Variants in STXBP6 observed in about 807,000 individuals in gnomAD.
The protein encoded by STXBP6 is syntaxin-binding protein 6.
In STXBP6, 21 loss-of-function variants were observed where a neutral mutation model predicts 26.9. That is an observed-to-expected ratio of 0.78 (90% confidence interval 0.55 to 1.12). The LOEUF (loss-of-function observed/expected upper bound fraction) is 1.12. Ranked by LOEUF, STXBP6 falls within the 50% of genes most tolerant of loss-of-function variation. The pLI, the probability that STXBP6 is intolerant of heterozygous loss-of-function variation, is 0.00. For synonymous variants in STXBP6, 97 were observed against 92.6 expected (o/e 1.05, Z -0.27); for missense variants, 232 against 257.9 (o/e 0.90, Z 0.69).
intron 2 of STXBP6, among the ~76,000 whole-genome samples, chr14:24,944,948 G>A (rs1179522023): frequency 6.6e-6 from 1 of 151,978 alleles, no homozygotes; most frequent in Admixed American, 6.6e-5. Flanking sequence ...TACTCGCTAG[G>A]CTTGTACTTC....
At chr14:24,848,660 C>A (rs1421553927) in intron 4 of STXBP6, among the ~76,000 whole-genome samples, 3 of 152,100 alleles carry the variant, frequency 2.0e-5, no homozygotes, top group Non-Finnish European at 4.4e-5. Flanking sequence ...GCATGCATTT[C>A]AGCGTAGCTT....
At position 24,811,927 on chromosome 14, in the gene STXBP6, C is replaced by T. The variant is rs1056766692; in HGVS notation, c.*782G>A. ...ATCACTATGACAGTGACAAGAGAAACATCTGTGAGTACACAGAGGGTTTTA... is the reference window on the plus strand; with the variant it reads ...ATCACTATGACAGTGACAAGAGAAATATCTGTGAGTACACAGAGGGTTTTA... On this transcript the variant is annotated 3_prime_UTR_variant, in exon 6 of 6. Transcript: ENST00000323944. 9.9e-5 allele frequency: 15 copies of T among 152,094 alleles called. No homozygotes were observed. Among genetic ancestry groups the T allele is most frequent in the Non-Finnish European group, 1.9e-4 (13 of 68,014 alleles). 9.4% of individuals were successfully genotyped at this position (152,094 alleles called of 1,614,324 possible). A position where few individuals can be genotyped will look rare whatever the true frequency, so the allele number is the denominator to read the frequency against.
chr14:24,941,419 T>A (rs2072799523), intron 2 of STXBP6, among the ~76,000 whole-genome samples: 1 of 151,906 alleles, frequency 6.6e-6, no homozygotes, highest in Non-Finnish European at 1.5e-5. Context: ...TTCAGCTGGG[T>A]GAGGAAATAG....
At chr14:24,938,961 C>T (rs1360499723) in intron 2 of STXBP6, among the ~76,000 whole-genome samples, 1 of 152,022 alleles carries the variant, frequency 6.6e-6, no homozygotes, top group East Asian at 1.9e-4. Flanking sequence ...CAACTCCAGG[C>T]AGCCAGAAAA....
At chr14:24,828,803 G>A (rs1461976751) in intron 4 of STXBP6, among the ~76,000 whole-genome samples, 2 of 152,140 alleles carry the variant, frequency 1.3e-5, no homozygotes, top group African/African-American at 2.4e-5. Context: ...TATTAATAAG[G>A]TGCCTGTATG....
chr14:25,005,569 T>C (rs905713047), intron 1 of STXBP6, among the ~76,000 whole-genome samples: 9 of 152,230 alleles, frequency 5.9e-5, no homozygotes, highest in African/African-American at 1.9e-4. Context: ...TCTCTTTATT[T>C]GCTGAGAAAG....
intron 2 of STXBP6, among the ~76,000 whole-genome samples, chr14:24,959,756 T>C (rs2073467233): frequency 6.6e-6 from 1 of 152,194 alleles, no homozygotes; most frequent in South Asian, 2.1e-4. Context: ...CCAAATGGAA[T>C]TGCTCATAAG....
intron 4 of STXBP6, among the ~76,000 whole-genome samples, chr14:24,831,650 G>A (rs892870224): frequency 1.3e-5 from 2 of 152,084 alleles, no homozygotes; most frequent in African/African-American, 4.8e-5. Flanking sequence ...AAGAAAAAGT[G>A]AATTTATTGT....
At chr14:24,926,055 ATT>A (rs904377897) in intron 2 of STXBP6, among the ~76,000 whole-genome samples, 1 of 152,196 alleles carries the variant, frequency 6.6e-6, no homozygotes, top group African/African-American at 2.4e-5. Context: ...TGCAGTGAGG[ATT>A]CTGACATGTT....
chr14:24,889,941 C>A (rs1002390261), intron 2 of STXBP6, among the ~76,000 whole-genome samples: 3 of 152,214 alleles, frequency 2.0e-5, no homozygotes, highest in Non-Finnish European at 4.4e-5. Flanking sequence ...AACTAAGCCA[C>A]AAAGGGAGCT....
intron 2 of STXBP6, among the ~76,000 whole-genome samples, chr14:24,965,920 T>C (rs149124053): frequency 6.6e-6 from 1 of 152,204 alleles, no homozygotes; most frequent in East Asian, 1.9e-4. Context: ...GCCTTCTTGG[T>C]AGGCTGCTGT....
intron 1 of STXBP6, among the ~76,000 whole-genome samples, chr14:24,993,591 A>G (rs892288602): frequency 2.0e-5 from 3 of 152,194 alleles, no homozygotes; most frequent in African/African-American, 7.2e-5. Flanking sequence ...TGCCTGGGGT[A>G]GATTATTTTC....
chr14:25,034,406 C>T (rs950030669), intron 1 of STXBP6, among the ~76,000 whole-genome samples: 13 of 152,196 alleles, frequency 8.5e-5, no homozygotes, highest in African/African-American at 2.4e-4. Flanking sequence ...ACAATTTCCC[C>T]ATCCCTCACG....
chr14:24,908,138 T>A (rs1443334355), intron 2 of STXBP6, among the ~76,000 whole-genome samples: 1 of 152,152 alleles, frequency 6.6e-6, no homozygotes, highest in Non-Finnish European at 1.5e-5. Flanking sequence ...CCTCCTTAAG[T>A]CTTTCGTCTT....
chr14:24,886,133 C>T (rs1434783592), intron 2 of STXBP6, among the ~76,000 whole-genome samples: 1 of 152,148 alleles, frequency 6.6e-6, no homozygotes, highest in Non-Finnish European at 1.5e-5. Flanking sequence ...TGTATATGAC[C>T]TGCGAAACTT....
At chr14:25,034,056 T>C (rs999667271) in intron 1 of STXBP6, among the ~76,000 whole-genome samples, 5 of 152,206 alleles carry the variant, frequency 3.3e-5, no homozygotes, top group African/African-American at 9.7e-5. Context: ...TTGTCTGTCC[T>C]TTCTCCTGTT....
intron 4 of STXBP6, among the ~76,000 whole-genome samples, chr14:24,839,412 G>C (rs1297157188): frequency 1.3e-5 from 2 of 152,228 alleles, no homozygotes; most frequent in East Asian, 3.9e-4. Context: ...ATAAGCAAAA[G>C]AGAATTTGGT....
chr14:25,044,894 CT>C (rs2075701876), intron 1 of STXBP6, among the ~76,000 whole-genome samples: 2 of 152,200 alleles, frequency 1.3e-5, no homozygotes, highest in Non-Finnish European at 2.9e-5. Flanking sequence ...TAAAATGTCC[CT>C]TATCTATCAA....
chr14:24,934,140 T>C (rs188089530), intron 2 of STXBP6, among the ~76,000 whole-genome samples: 3 of 152,280 alleles, frequency 2.0e-5, no homozygotes, highest in South Asian at 2.1e-4. Flanking sequence ...GCATAAAATA[T>C]TAAGACACAT....
Sources: allele counts gnomAD v4.1 joint callset (sites outside exome capture counted in the v4.1 genomes callset), GRCh38; gene constraint gnomAD v4.1.1; transcripts MANE v1.5; gene names NCBI Gene and HGNC (gene_info 2026-07-23, HGNC 2026-07-21).